The following GABARAPL2 variants were observed in gnomAD, a reference collection of about 807,000 sequenced individuals.
GABARAPL2 encodes gamma-aminobutyric acid receptor-associated protein-like 2.
GABARAPL2 carries 11 observed loss-of-function variants against 16.9 expected under a neutral mutation model. That is an observed-to-expected ratio of 0.65 (90% CI 0.41 to 1.08). The LOEUF (loss-of-function observed/expected upper bound fraction) is 1.08, where lower values mean the gene tolerates loss of function less well. Ranked by LOEUF, GABARAPL2 falls within the 50% of genes least tolerant of loss-of-function variation. GABARAPL2 has a pLI of 0.00. For synonymous variants in GABARAPL2, 57 were observed against 50.7 expected, an observed-to-expected ratio of 1.12 and a Z score of -0.53; for missense variants, 134 against 142.5, an observed-to-expected ratio of 0.94 and a Z score of 0.30.
At chr16:75,575,121 G>C (rs2080940043) in intron 3 of GABARAPL2, among the ~76,000 whole-genome samples, 1 of 152,114 alleles carries the variant, frequency 6.6e-6, no homozygotes, top group Admixed American at 6.6e-5. Context: ...TTTAAAGTAA[G>C]ATTCTGATGT....
chr16:75,570,833 C>G (rs2080910121), intron 3 of GABARAPL2, among the ~76,000 whole-genome samples: 1 of 152,180 alleles, frequency 6.6e-6, no homozygotes, highest in Non-Finnish European at 1.5e-5. Context: ...AAGTTGAATT[C>G]TCTGCCTAGG....
intron 3 of GABARAPL2, among the ~76,000 whole-genome samples, chr16:75,568,822 G>A (rs191478443): frequency 6.6e-6 from 1 of 152,314 alleles, no homozygotes; most frequent in East Asian, 1.9e-4. Flanking sequence ...CTGAATGTAG[G>A]CAGAGGCATT....
intron 3 of GABARAPL2, among the ~76,000 whole-genome samples, chr16:75,574,357 G>A (rs1207129829): frequency 6.6e-6 from 1 of 152,186 alleles, no homozygotes; most frequent in Non-Finnish European, 1.5e-5. Flanking sequence ...GACACTATGG[G>A]GCGACTCTGA....
intron 3 of GABARAPL2, chr16:75,572,177 C>G (rs1272018686): frequency 6.6e-6 from 1 of 152,094 alleles, no homozygotes; most frequent in Non-Finnish European, 1.5e-5. Context: ...AAAAAAGGAA[C>G]AACAACCAGT....
At chr16:75,576,291 G>A (rs1418797967) in intron 3 of GABARAPL2, 1 of 152,202 alleles carries the variant, frequency 6.6e-6, no homozygotes, top group Non-Finnish European at 1.5e-5. Flanking sequence ...CATAAATGTG[G>A]TATTTGTCCA....
rs1269842851 is a variant in GABARAPL2 at position 75,566,439 on chromosome 16, G to GAGCTCCGC, written c.-47_-40dup. The GAGCTCCGC allele has an allele frequency of 7.0e-7, 1 of 1,431,674 alleles. No homozygotes were observed. The highest frequency in any genetic ancestry group is 9.7e-7 in the Non-Finnish European group (1 of 1,026,536). The allele number at this position is 1,431,674 out of a possible 1,614,324, so 88.7% of individuals were successfully genotyped here. ...TCGTTGTTGTTGTGCTCGGTGCGCT[G>GAGCTCCGC]AGCTCCGCGGCTCCGCGAGCCGGTT... On this transcript the variant is annotated 5_prime_UTR_variant, in exon 1 of 4. Transcript: ENST00000037243.
intron 3 of GABARAPL2, among the ~76,000 whole-genome samples, chr16:75,571,025 C>G (rs1400060532): frequency 5.3e-5 from 8 of 152,276 alleles, no homozygotes; most frequent in African/African-American, 1.9e-4. Context: ...TCTTGTTAAT[C>G]CCCTGTTTAA....
Position 75,577,559 on chromosome 16 carries a change from G to A in GABARAPL2, c.*190G>A. ...ATTATCATACAGAGTTTTATTTTGA[G>A]TTTTTCTTTTTGTGCATTGTCCTCA... On this transcript the variant is annotated 3_prime_UTR_variant, in exon 4 of 4. Transcript: ENST00000037243. 3.9e-6 allele frequency: 2 copies of A among 516,822 alleles called. No individual in the cohort carries two copies. Among genetic ancestry groups the A allele is most frequent in the Admixed American group, 3.4e-5 (1 of 29,770 alleles). 32.0% of individuals were successfully genotyped at this position (516,822 alleles called of 1,614,324 possible).
chr16:75,568,183 T>A lies in GABARAPL2; in HGVS notation c.237T>A (p.Phe79Leu). Reference protein sequence around the residue: ...QLPSEKAIFLFVDKTVPQSSL... With the variant: ...QLPSEKAIFLLVDKTVPQSSL... ...CTTCTGAAAAGGCGATCTTCCTGTT[T>A]GTGGATAAGACAGTCCCACAGTCCA... The change falls in exon 3 of 4, where the codon TTT (phenylalanine) becomes TTA (leucine). Residue 79 changes from phenylalanine to leucine, a missense_variant. Transcript: ENST00000037243. The A allele has an allele frequency of 6.2e-7, 1 of 1,612,878 alleles. No individual in the cohort carries two copies. Among genetic ancestry groups the A allele is most frequent in the South Asian group, 1.1e-5 (1 of 91,058 alleles).
At chr16:75,577,165 A>G (rs2080954471) in intron 3 of GABARAPL2, 114 bp from the exon 4 acceptor site, 2 of 700,162 alleles carry the variant, frequency 2.9e-6, no homozygotes, top group East Asian at 2.5e-5. Flanking sequence ...GATTATAAGC[A>G]CACAGCAGGT....
At chr16:75,569,355 T>C (rs985005921) in intron 3 of GABARAPL2, among the ~76,000 whole-genome samples, 2 of 152,196 alleles carry the variant, frequency 1.3e-5, no homozygotes, top group African/African-American at 4.8e-5. Context: ...CTGGACGCCA[T>C]TGGTCTGCCA....
intron 2 of GABARAPL2, 31 bp downstream of exon 2, chr16:75,566,938 T>C (rs550476239): frequency 3.8e-6 from 6 of 1,569,594 alleles, no homozygotes; most frequent in Non-Finnish European, 5.3e-6. Flanking sequence ...CTCACCTCGC[T>C]GTCACCTCTG....
intron 3 of GABARAPL2, among the ~76,000 whole-genome samples, chr16:75,574,209 C>T (rs1049138339): frequency 3.9e-5 from 6 of 152,106 alleles, no homozygotes; most frequent in African/African-American, 1.2e-4. Flanking sequence ...TACACAGGCC[C>T]GGGGGTGGGC....
At chr16:75,568,788 A>G (rs1326603179) in intron 3 of GABARAPL2, among the ~76,000 whole-genome samples, 2 of 152,200 alleles carry the variant, frequency 1.3e-5, no homozygotes, top group Non-Finnish European at 2.9e-5. Context: ...CCTGGAAGCA[A>G]TCTTTGGGAC....
chr16:75,571,671 CTTTT>C (rs576323236), intron 3 of GABARAPL2, among the ~76,000 whole-genome samples: 1 of 139,476 alleles, frequency 7.2e-6, no homozygotes. Flanking sequence ...AAGGACAGGA[CTTTT>C]TTTTTTTTTT....
At chr16:75,566,582 C>T (rs542157051) in intron 1 of GABARAPL2, 62 bp downstream of exon 1, 20 of 1,580,966 alleles carry the variant, frequency 1.3e-5, no homozygotes, top group South Asian at 4.5e-5. Context: ...CCCCCTCCCC[C>T]ACTCGGGCGG....
At chr16:75,567,421 A>C (rs933920230) in intron 2 of GABARAPL2, among the ~76,000 whole-genome samples, 1 of 152,220 alleles carries the variant, frequency 6.6e-6, no homozygotes, top group African/African-American at 2.4e-5. Context: ...TAATAAATAT[A>C]ATGTTATATT....
At chr16:75,576,496 C>T (rs530470322) in intron 3 of GABARAPL2, 1 of 152,304 alleles carries the variant, frequency 6.6e-6, no homozygotes, top group South Asian at 2.1e-4. Flanking sequence ...AGCATCTTAC[C>T]ACTGTTTCTG....
chr16:75,577,255 A>C lies in GABARAPL2; in HGVS notation c.264-24A>C, dbSNP rs369744693. ...GAAACCTGGACTCCAATTTTCAATG[A>C]CGTTTTTGTTTTTCTCTTTCAAGCC... On this transcript the variant is annotated intron_variant, in intron 3 of 3. Transcript: ENST00000037243. 3.8e-5 allele frequency: 56 copies of C among 1,462,638 alleles called. 1 individual carries two copies. The African/African-American group carries it at 6.8e-4, about 18-fold the overall frequency. The allele number at this position is 1,462,638 out of a possible 1,614,324, so 90.6% of individuals were successfully genotyped here.
Sources: gnomAD v4.1 joint callset for allele counts (sites outside exome capture counted in the v4.1 genomes callset) on GRCh38, gnomAD v4.1.1 for gene constraint, MANE v1.5 for transcripts, NCBI Gene and HGNC (gene_info 2026-07-23, HGNC 2026-07-21) for gene names.